DPY19L3: variants seen among roughly 807,000 people sequenced by gnomAD.
The protein encoded by DPY19L3 is protein C-mannosyl-transferase DPY19L3.
DPY19L3 carries 51 observed loss-of-function variants against 92.3 expected under a neutral mutation model. That is an observed-to-expected ratio of 0.55 (90% CI 0.44 to 0.70). The LOEUF is 0.70. Ranked by LOEUF, DPY19L3 falls within the 30% of genes least tolerant of loss-of-function variation. The pLI, the probability that DPY19L3 is intolerant of heterozygous loss-of-function variation, is 0.00. For missense variants in DPY19L3, 706 were observed against 855.9 expected (o/e 0.82, Z 2.18); for synonymous variants, 309 against 315.2 (o/e 0.98, Z 0.21).
intron 14 of DPY19L3, 61 bp from the exon 15 acceptor site, chr19:32,464,667 G>C: frequency 9.3e-7 from 1 of 1,080,882 alleles, no homozygotes; most frequent in Non-Finnish European, 1.3e-6. Flanking sequence ...GCAAGACCCT[G>C]TCTCTCAAAA....
intron 17 of DPY19L3, among the ~76,000 whole-genome samples, chr19:32,478,078 T>C (rs1970566018): frequency 6.6e-6 from 1 of 152,140 alleles, no homozygotes; most frequent in African/African-American, 2.4e-5. Context: ...CCACATCATG[T>C]GGGACTTCAA....
chr19:32,459,659 GC>G (rs1225898346), intron 12 of DPY19L3, among the ~76,000 whole-genome samples: 1 of 152,186 alleles, frequency 6.6e-6, no homozygotes, highest in East Asian at 1.9e-4. Context: ...TGCATACAAA[GC>G]AGGAAGTTCA....
intron 16 of DPY19L3, among the ~76,000 whole-genome samples, chr19:32,476,225 G>A (rs564477527): frequency 1.5e-4 from 23 of 152,066 alleles, no homozygotes; most frequent in Admixed American, 2.6e-4. Flanking sequence ...CTTAGAAACC[G>A]CAGCACCAGA....
rs372213578 is a variant in DPY19L3, at chr19:32,408,232, C to T, written c.-22C>T. On this transcript the variant is annotated 5_prime_UTR_variant, in exon 2 of 19. Transcript: ENST00000392250. ...TGCTATCTAGGAGTGATTTGGAGAA[C>T]AATGCATGTAAGTCTGACATCATGA... 3 of 1,567,050 alleles carry T rather than the reference C, an allele frequency of 1.9e-6. No individual in the cohort carries two copies. The highest frequency in any genetic ancestry group is 2.6e-6 in the Non-Finnish European group (3 of 1,141,476).
At chr19:32,456,347 G>A (rs1310361072) in intron 10 of DPY19L3, among the ~76,000 whole-genome samples, 1 of 151,590 alleles carries the variant, frequency 6.6e-6, no homozygotes, top group Non-Finnish European at 1.5e-5. Context: ...AGGATTGTAG[G>A]CGTGAACCAC....
At chr19:32,467,527 C>T (rs1304159720) in intron 15 of DPY19L3, 13 of 987,420 alleles carry the variant, frequency 1.3e-5, no homozygotes, top group Non-Finnish European at 1.4e-5. Flanking sequence ...CCTGATTCAC[C>T]CACCCAGGAG....
intron 17 of DPY19L3, among the ~76,000 whole-genome samples, chr19:32,479,043 C>T (rs1970595855): frequency 6.6e-6 from 1 of 152,136 alleles, no homozygotes; most frequent in Admixed American, 6.5e-5. Flanking sequence ...CCTCACCAGT[C>T]AGGTTTCAAA....
At chr19:32,439,613 A>G (rs1485858057) in intron 7 of DPY19L3, among the ~76,000 whole-genome samples, 163 bp from the exon 8 acceptor site, 1 of 152,212 alleles carries the variant, frequency 6.6e-6, no homozygotes, top group Non-Finnish European at 1.5e-5. Flanking sequence ...GTGTCACTTT[A>G]TGATAGTTAG....
intron 2 of DPY19L3, among the ~76,000 whole-genome samples, chr19:32,409,923 G>A (rs538354263): frequency 2.0e-5 from 3 of 152,254 alleles, no homozygotes; most frequent in South Asian, 4.1e-4. Flanking sequence ...TGGAGGGGCC[G>A]AATAGTCAAA....
intron 8 of DPY19L3, among the ~76,000 whole-genome samples, chr19:32,451,423 C>G (rs1969695721): frequency 6.6e-6 from 1 of 152,058 alleles, no homozygotes; most frequent in African/African-American, 2.4e-5. Flanking sequence ...GATACATTAT[C>G]TTTATGATCC....
chr19:32,416,736 T>C (rs1057473451), intron 3 of DPY19L3, among the ~76,000 whole-genome samples: 3 of 152,258 alleles, frequency 2.0e-5, no homozygotes, highest in African/African-American at 7.2e-5. Context: ...GGCACATCAC[T>C]GTGTTACACT....
intron 16 of DPY19L3, among the ~76,000 whole-genome samples, chr19:32,471,334 CCAGA>C (rs1423178352): frequency 6.6e-6 from 1 of 152,212 alleles, no homozygotes; most frequent in Non-Finnish European, 1.5e-5. Context: ...TGCCCTGTTC[CCAGA>C]CAGTCAAAGC....
At chr19:32,441,591 G>A (rs1195498868) in intron 8 of DPY19L3, among the ~76,000 whole-genome samples, 1 of 150,496 alleles carries the variant, frequency 6.6e-6, no homozygotes, top group Non-Finnish European at 1.5e-5. Flanking sequence ...TCCACCTCCT[G>A]AGTTTAAGCA....
At chr19:32,433,311 C>G (rs186059352) in intron 4 of DPY19L3, among the ~76,000 whole-genome samples, 1 of 152,346 alleles carries the variant, frequency 6.6e-6, no homozygotes, top group Admixed American at 6.5e-5. Flanking sequence ...CTACCTAGTA[C>G]ATACTTGATC....
chr19:32,478,849 C>T (rs1970589507), intron 17 of DPY19L3, among the ~76,000 whole-genome samples: 1 of 152,182 alleles, frequency 6.6e-6, no homozygotes, highest in South Asian at 2.1e-4. Context: ...ATAAACTTGT[C>T]TGCACATCAC....
chr19:32,445,377 C>T (rs1350443334), intron 8 of DPY19L3, among the ~76,000 whole-genome samples: 1 of 126,734 alleles, frequency 7.9e-6, no homozygotes, highest in African/African-American at 3.0e-5. Context: ...GGAGGCGGAG[C>T]TTGCAGTGAG....
intron 3 of DPY19L3, 128 bp from the exon 4 acceptor site, chr19:32,432,588 A>AT: frequency 1.4e-6 from 1 of 719,304 alleles, no homozygotes; most frequent in East Asian, 2.9e-5. Flanking sequence ...GTTTGCCAAG[A>AT]TTTTTTGAGA....
chr19:32,415,174 A>G (rs905634784), intron 3 of DPY19L3, among the ~76,000 whole-genome samples: 1 of 152,216 alleles, frequency 6.6e-6, no homozygotes, highest in Non-Finnish European at 1.5e-5. Flanking sequence ...CAGTATCCAG[A>G]CAATTACAGG....
chr19:32,455,287 T>G (rs1278394438), intron 10 of DPY19L3, among the ~76,000 whole-genome samples: 1 of 152,166 alleles, frequency 6.6e-6, no homozygotes, highest in East Asian at 1.9e-4. Flanking sequence ...TTTAAATAAA[T>G]TCTTGCTTTA....
Sources: allele counts gnomAD v4.1 joint callset (sites outside exome capture counted in the v4.1 genomes callset), GRCh38; gene constraint gnomAD v4.1.1; transcripts MANE v1.5; gene names NCBI Gene and HGNC (gene_info 2026-07-23, HGNC 2026-07-21).